The following RELN variants were observed in gnomAD, a reference collection of about 807,000 sequenced individuals.
RELN encodes reelin.
A neutral mutation model predicts 427.6 loss-of-function variants in RELN; 108 were observed. That is an observed-to-expected ratio of 0.25 (90% confidence interval 0.22 to 0.30). The LOEUF (loss-of-function observed/expected upper bound fraction) is 0.30, where lower values mean the gene tolerates loss of function less well. Among genes scored for constraint, RELN ranks in the 10% least tolerant of loss-of-function variants. RELN has a pLI of 1.00. For missense variants in RELN, 3,715 were observed against 4,302.8 expected, an observed-to-expected ratio of 0.86 and a Z score of 3.82; for synonymous variants, 1,524 against 1,513.4, an observed-to-expected ratio of 1.01 and a Z score of -0.16.
rs1434687567 is a variant in RELN, at chr7:103,776,641, G to C, written c.474-14C>G. On this transcript the variant is annotated splice_polypyrimidine_tract_variant and intron_variant, in intron 3 of 64. Transcript: ENST00000428762. ...GTTGCTGTAGCCCTGGAAACAAATA[G>C]GAAAAGGTTAATTCAACTCTTGTAA... 3.7e-6 allele frequency: 6 copies of C among 1,613,502 alleles called. No homozygotes were observed. The highest frequency in any genetic ancestry group is 2.5e-6 in the Non-Finnish European group (3 of 1,179,600).
intron 37 of RELN, among the ~76,000 whole-genome samples, 167 bp from the exon 38 acceptor site, chr7:103,557,326 T>C (rs1830547353): frequency 6.6e-6 from 1 of 152,250 alleles, no homozygotes; most frequent in Non-Finnish European, 1.5e-5. Context: ...CAGGTTGGGC[T>C]TTCTGTATAT....
At chr7:103,720,468 A>G (rs920218497) in intron 8 of RELN, among the ~76,000 whole-genome samples, 2 of 152,114 alleles carry the variant, frequency 1.3e-5, no homozygotes, top group African/African-American at 2.4e-5. Context: ...TGCTTGAATC[A>G]TTGTGTTATA....
intron 11 of RELN, among the ~76,000 whole-genome samples, chr7:103,675,112 T>C (rs1017868273): frequency 6.6e-6 from 1 of 152,206 alleles, no homozygotes; most frequent in Non-Finnish European, 1.5e-5. Context: ...TGTTTGCAGA[T>C]GACATGATTG....
At chr7:103,773,473 CTCTCTCTT>C (rs1791658562) in intron 4 of RELN, among the ~76,000 whole-genome samples, 1 of 149,296 alleles carries the variant, frequency 6.7e-6, no homozygotes, top group Non-Finnish European at 1.5e-5. Flanking sequence ...CTCTCTCTCT[CTCTCTCTT>C]TCTTTCTTTT....
chr7:103,513,358 G>T (rs1829476216), intron 50 of RELN: 2 of 152,062 alleles, frequency 1.3e-5, no homozygotes, highest in South Asian at 2.1e-4. Context: ...AATCAAATCA[G>T]CATTTTAGGT....
intron 2 of RELN, among the ~76,000 whole-genome samples, chr7:103,899,870 TC>T: frequency 6.6e-6 from 1 of 152,090 alleles, no homozygotes; most frequent in Non-Finnish European, 1.5e-5. Flanking sequence ...TGGAAGCATT[TC>T]CTTTGAAAAC....
chr7:103,594,491 A>G lies in RELN; in HGVS notation c.3541T>C (p.Phe1181Leu), dbSNP rs773320636. Residue 1181 changes from phenylalanine (F) to leucine (L), a missense_variant and splice_region_variant, in exon 26 of 65, where the codon TTT (phenylalanine) becomes CTT (leucine). Phe to Leu is a conservative substitution (Grantham distance 22, BLOSUM62 0). Transcript: ENST00000428762. The stretch of plus-strand genomic sequence containing the variant: ...GCAGCTGGAAGCTCCAGATAGACAA[A>G]TCTGAATAAAAGTAAATCATTTACG... ...MYFSDFSKPRFVYLELPAAAK... is the reference protein window; with the variant it reads ...MYFSDFSKPRLVYLELPAAAK... 3 of 1,613,796 alleles carry G rather than the reference A, an allele frequency of 1.9e-6. No individual in the cohort carries two copies. The highest frequency in any genetic ancestry group is 2.2e-5 in the South Asian group (2 of 91,074).
intron 1 of RELN, among the ~76,000 whole-genome samples, chr7:103,983,905 TA>T (rs1797044960): frequency 6.8e-6 from 1 of 147,454 alleles, no homozygotes; most frequent in Admixed American, 6.7e-5. Context: ...GTATGTCTTT[TA>T]AAATGTAAAT....
intron 3 of RELN, among the ~76,000 whole-genome samples, chr7:103,788,507 C>A (rs1439103767): frequency 6.6e-6 from 1 of 152,164 alleles, no homozygotes; most frequent in Admixed American, 6.5e-5. Flanking sequence ...GATACAAAGT[C>A]AATGTGCAGA....
chr7:103,856,569 C>CAAAAAAA (rs34695080), intron 2 of RELN, among the ~76,000 whole-genome samples: 8 of 80,352 alleles, frequency 1.0e-4, no homozygotes, highest in East Asian at 3.9e-4. Flanking sequence ...AACTCCACCT[C>CAAAAAAA]AAAAAAAAAA....
intron 3 of RELN, among the ~76,000 whole-genome samples, chr7:103,797,886 T>C (rs2116298422): frequency 6.6e-6 from 1 of 152,338 alleles, no homozygotes; most frequent in Non-Finnish European, 1.5e-5. Flanking sequence ...TGCAGCTATG[T>C]GTAATTAGCT....
rs201017713 is a variant in RELN, at chr7:103,561,606, C to G, written c.5455G>C (p.Glu1819Gln). 5.6e-6 allele frequency: 9 copies of G among 1,613,928 alleles called. No individual in the cohort carries two copies. In the African/African-American group the frequency reaches 9.3e-5, roughly 17 times the overall value. Reference sequence around the variant, plus strand: ...TTCCCCCTCTCTGCACCATACACTTCAGGCCAAAGGTCAGGATGTAAATTC... The same window carrying G: ...TTCCCCCTCTCTGCACCATACACTTGAGGCCAAAGGTCAGGATGTAAATTC... ...NGNLHPDLWPEVYGAERGNLN... is the reference protein window; with the variant it reads ...NGNLHPDLWPQVYGAERGNLN... The change falls in exon 36 of 65, where the codon GAA becomes CAA. Residue 1819 changes from glutamate (E) to glutamine (Q), a missense_variant. This residue lies in a region of RELN where 2,208 missense variants were observed against 2,361.7 expected (regional missense o/e 0.93). Coordinates refer to ENST00000428762, the MANE Select transcript of RELN (RefSeq NM_005045.4).
intron 1 of RELN, among the ~76,000 whole-genome samples, chr7:103,957,765 G>A (rs2116780503): frequency 6.6e-6 from 1 of 152,236 alleles, no homozygotes; most frequent in South Asian, 2.1e-4. Context: ...AGTCATTCCT[G>A]GATTGTTGGC....
chr7:103,541,168 G>A (rs1238147020), intron 43 of RELN, among the ~76,000 whole-genome samples: 4 of 152,130 alleles, frequency 2.6e-5, no homozygotes, highest in African/African-American at 4.8e-5. Flanking sequence ...GGTGGCAGCC[G>A]GCCAGTGGCA....
intron 1 of RELN, among the ~76,000 whole-genome samples, chr7:103,960,278 G>A (rs952938549): frequency 3.3e-5 from 5 of 152,080 alleles, no homozygotes; most frequent in African/African-American, 1.2e-4. Flanking sequence ...TGCTGGGACC[G>A]AAATACAGAG....
At chr7:103,874,385 G>A (rs1345738959) in intron 2 of RELN, among the ~76,000 whole-genome samples, 1 of 141,860 alleles carries the variant, frequency 7.0e-6, no homozygotes, top group African/African-American at 2.5e-5. Context: ...GGAAATAAAC[G>A]GTATTCAATT....
chr7:103,585,817 C>G (rs1023500010), intron 28 of RELN, among the ~76,000 whole-genome samples: 1 of 152,088 alleles, frequency 6.6e-6, no homozygotes, highest in Non-Finnish European at 1.5e-5. Context: ...AAGAAAATAC[C>G]AGCAAACTGA....
chr7:103,588,394 G>A (rs1252531099), intron 28 of RELN, among the ~76,000 whole-genome samples: 1 of 152,044 alleles, frequency 6.6e-6, no homozygotes, highest in Non-Finnish European at 1.5e-5. Flanking sequence ...GGCTACCAAG[G>A]GAGGGAGGGA....
intron 6 of RELN, among the ~76,000 whole-genome samples, chr7:103,748,197 G>A (rs1350436327): frequency 2.0e-5 from 3 of 147,844 alleles, no homozygotes; most frequent in African/African-American, 7.5e-5. Context: ...TTAAGAAAAT[G>A]TATATTTAGG....
Sources: allele counts gnomAD v4.1 joint callset (sites outside exome capture counted in the v4.1 genomes callset), GRCh38; gene constraint gnomAD v4.1.1; regional missense constraint gnomAD v4.1.1; transcripts MANE v1.5; gene names NCBI Gene and HGNC (gene_info 2026-07-23, HGNC 2026-07-21).